NEK10: variants seen among roughly 807,000 people sequenced by gnomAD.
The protein encoded by NEK10 is NIMA related kinase 10.
Under a neutral mutation model 159.8 loss-of-function variants are expected in NEK10, and 122 were observed. The ratio of observed to expected loss-of-function variants is 0.76; its 90% CI spans 0.66 to 0.89. NEK10 has a LOEUF of 0.89. Ranked by LOEUF, NEK10 falls within the 40% of genes least tolerant of loss-of-function variation. The probability of loss-of-function intolerance (pLI) is 0.00; values close to 1 mark genes in which losing one functional copy is unlikely to be tolerated. For synonymous variants in NEK10, 466 were observed against 457.1 expected, an observed-to-expected ratio of 1.02 and a Z score of -0.25; for missense variants, 1,342 against 1,323.1, an observed-to-expected ratio of 1.01 and a Z score of -0.22.
chr3:27,256,321 C>T lies in NEK10; in HGVS notation c.2065G>A (p.Val689Met). 1.3e-6 allele frequency: 2 copies of T among 1,564,608 alleles called. No homozygotes were observed. The highest frequency in any genetic ancestry group is 2.4e-5 in the South Asian group (2 of 83,344). ...QKQENSKLTS[V>M]VGTILYSCPE... is the part of the protein sequence containing the mutation. ...CAAGAATACAGGATTGTTCCAACCA[C>T]AGAGGTGAGTTTACTGTTTTCTTGT... The change falls in exon 23 of 36, where the codon GTG becomes ATG. Residue 689 changes from valine to methionine, a missense_variant. Physicochemically the swap from Val to Met is conservative, Grantham distance 21. Coordinates refer to ENST00000691995, the MANE Select transcript of NEK10 (RefSeq NM_001394966.1).
At chr3:27,163,248 G>T (rs370560761) in intron 29 of NEK10, among the ~76,000 whole-genome samples, 1 of 152,004 alleles carries the variant, frequency 6.6e-6, no homozygotes, top group African/African-American at 2.4e-5. Context: ...ATCATTTTAC[G>T]AGTTGGTCTC....
chr3:27,231,937 AAAC>A (rs1953324869), intron 23 of NEK10, among the ~76,000 whole-genome samples: 1 of 152,002 alleles, frequency 6.6e-6, no homozygotes, highest in Non-Finnish European at 1.5e-5. Flanking sequence ...GATTCTACTG[AAAC>A]TATCCCAAAG....
chr3:27,341,190 G>A (rs2047177375), intron 5 of NEK10, among the ~76,000 whole-genome samples: 1 of 152,110 alleles, frequency 6.6e-6, no homozygotes, highest in Non-Finnish European at 1.5e-5. Flanking sequence ...AGATACCAGA[G>A]TCCAGGAAGG....
chr3:27,162,304 A>G, intron 30 of NEK10: 1 of 1,317,478 alleles, frequency 7.6e-7, no homozygotes, highest in Admixed American at 2.6e-5. Flanking sequence ...TGTTACCATC[A>G]AATCGCCAAA....
chr3:27,337,035 G>C lies in NEK10; in HGVS notation c.362+7237C>G, dbSNP rs373673100. On this transcript the variant is annotated intron_variant, in intron 5 of 35. Coordinates refer to ENST00000691995, the MANE Select transcript of NEK10 (RefSeq NM_001394966.1). ...TAAAAGGCATACACATTTGGCGGGG[G>C]GGAAAGGAAGATGTACCTCTTTGCA... Among the ~76,000 whole-genome samples, 26 of 151,818 alleles carry C rather than the reference G, an allele frequency of 1.7e-4. No homozygotes were observed. In the East Asian group the frequency reaches 4.1e-3, roughly 24 times the overall value.
intron 25 of NEK10, among the ~76,000 whole-genome samples, chr3:27,198,255 C>G (rs1168755165): frequency 7.3e-5 from 11 of 150,856 alleles, no homozygotes; most frequent in African/African-American, 1.2e-4. Context: ...CAGTGACATT[C>G]TTCACACCAC....
At chr3:27,138,247 G>GT (rs1340769626) in intron 31 of NEK10, among the ~76,000 whole-genome samples, 5 of 152,134 alleles carry the variant, frequency 3.3e-5, no homozygotes, top group African/African-American at 1.2e-4. Flanking sequence ...GCCTCCCCTG[G>GT]TCCCATGGAG....
intron 22 of NEK10, among the ~76,000 whole-genome samples, chr3:27,265,306 G>A (rs749279845): frequency 6.6e-6 from 1 of 151,900 alleles, no homozygotes; most frequent in Non-Finnish European, 1.5e-5. Context: ...CCTTGGAGTG[G>A]GATTACTGGA....
At chr3:27,301,639 G>A in intron 13 of NEK10, 57 bp downstream of exon 13, 1 of 1,329,660 alleles carries the variant, frequency 7.5e-7, no homozygotes, top group South Asian at 1.3e-5. Context: ...ATCTATGATA[G>A]TGAATAATAA....
At chr3:27,173,420 AT>A (rs904430531) in intron 28 of NEK10, among the ~76,000 whole-genome samples, 2 of 152,168 alleles carry the variant, frequency 1.3e-5, no homozygotes, top group African/African-American at 4.8e-5. Flanking sequence ...ATGCATAAAT[AT>A]TTTTTCCCAT....
intron 3 of NEK10, 136 bp downstream of exon 3, chr3:27,352,329 A>C: frequency 1.5e-6 from 1 of 667,994 alleles, no homozygotes. Context: ...AGAAACAGCC[A>C]GATGAAGAAA....
intron 23 of NEK10, among the ~76,000 whole-genome samples, chr3:27,254,015 G>A (rs1955923642): frequency 6.6e-6 from 1 of 151,982 alleles, no homozygotes; most frequent in South Asian, 2.1e-4. Context: ...TCAGTCAGAT[G>A]CTGAGGGCTC....
chr3:27,264,054 G>T (rs1257811305), intron 22 of NEK10, among the ~76,000 whole-genome samples: 3 of 152,046 alleles, frequency 2.0e-5, no homozygotes, highest in Non-Finnish European at 2.9e-5. Context: ...GAGGAAATAG[G>T]CTCAAAGAGA....
intron 26 of NEK10, among the ~76,000 whole-genome samples, chr3:27,181,996 C>T (rs917584230): frequency 2.0e-5 from 3 of 151,980 alleles, no homozygotes; most frequent in Non-Finnish European, 4.4e-5. Flanking sequence ...CTAGAACACC[C>T]AAATCAAATT....
In NEK10 at chr3:27,304,886, G is replaced by A. The variant is rs1461990417; in HGVS notation, c.889C>T (p.Leu297Phe). The change falls in exon 12 of 36, where the codon CTC (leucine) becomes TTC (phenylalanine). Residue 297 changes from leucine to phenylalanine, a missense_variant. By Grantham distance (22) the Leu-to-Phe change is conservative. Transcript: ENST00000691995. Reference protein sequence around the residue: ...VKLYEGIPVLLSLLHSDHLKL... With the variant: ...VKLYEGIPVLFSLLHSDHLKL... ...AAGTGGTCAGAGTGGAGCAGACTGA[G>A]GAGGACCGGTATCCCCTCATAGAGC... 6.2e-7 allele frequency: 1 copy of A among 1,613,612 alleles called. No homozygotes were observed.
chr3:27,244,363 C>A (rs575666229), intron 23 of NEK10, among the ~76,000 whole-genome samples: 1 of 152,328 alleles, frequency 6.6e-6, no homozygotes, highest in African/African-American at 2.4e-5. Flanking sequence ...CACTGTTATG[C>A]TGGGCCAAGC....
chr3:27,202,951 C>T (rs34446123), intron 23 of NEK10, among the ~76,000 whole-genome samples: 35,731 of 152,036 alleles, frequency 0.24, 4,551 homozygotes, highest in Middle Eastern at 0.38. Flanking sequence ...CTGCTTTTGG[C>T]TTTGACTGTG....
At chr3:27,333,364 G>A (rs1049373607) in intron 5 of NEK10, among the ~76,000 whole-genome samples, 9 of 151,690 alleles carry the variant, frequency 5.9e-5, no homozygotes, top group African/African-American at 1.7e-4. Flanking sequence ...TGGCCAACAT[G>A]GTAAAGCCCT....
chr3:27,359,837 T>C (rs1268433208), intron 1 of NEK10, among the ~76,000 whole-genome samples: 1 of 152,230 alleles, frequency 6.6e-6, no homozygotes, highest in African/African-American at 2.4e-5. Flanking sequence ...CAGCAGTTTA[T>C]GTAGTTAAAG....
Sources: allele counts gnomAD v4.1 joint callset (sites outside exome capture counted in the v4.1 genomes callset), GRCh38; gene constraint gnomAD v4.1.1; transcripts MANE v1.5; gene names NCBI Gene and HGNC (gene_info 2026-07-23, HGNC 2026-07-21).